NIPSNAP3A: variants seen among roughly 807,000 people sequenced by gnomAD.
The protein encoded by NIPSNAP3A is protein NipSnap homolog 3A.
In NIPSNAP3A, 27 loss-of-function variants were observed where a neutral mutation model predicts 32.3. That is an observed-to-expected ratio of 0.84 (90% CI 0.62 to 1.15). The LOEUF is 1.15. NIPSNAP3A is among the 50% of genes most tolerant of loss of function. NIPSNAP3A has a pLI of 0.00. For missense variants in NIPSNAP3A, 278 were observed against 297.2 expected (o/e 0.94, Z 0.48); for synonymous variants, 108 against 107.3 (o/e 1.01, Z -0.04).
chr9:104,758,212 G>A (rs746523906), intron 4 of NIPSNAP3A, among the ~76,000 whole-genome samples: 13 of 151,948 alleles, frequency 8.6e-5, no homozygotes, highest in Non-Finnish European at 1.8e-4. Context: ...AATTAATATT[G>A]CCATAGAAAA....
Position 104,747,756 on chromosome 9 carries a change from C to A in NIPSNAP3A, c.-37C>A. ...ACCTTCAGAGGAGTCTCAGAAAGGA[C>A]ACGGCTGGCTGCTTTTCTCAGCGCC... is the stretch of plus-strand genomic sequence containing the variant. On this transcript the variant is annotated 5_prime_UTR_variant, in exon 1 of 6. Coordinates refer to ENST00000374767, the MANE Select transcript of NIPSNAP3A (RefSeq NM_015469.3). 6.3e-7 allele frequency: 1 copy of A among 1,592,544 alleles called. No homozygotes were observed. The highest frequency in any genetic ancestry group is 8.6e-7 in the Non-Finnish European group (1 of 1,169,296).
intron 1 of NIPSNAP3A, among the ~76,000 whole-genome samples, chr9:104,749,884 CTG>C (rs1420298482): frequency 2.5e-5 from 2 of 80,704 alleles, no homozygotes; most frequent in Non-Finnish European, 4.7e-5. Flanking sequence ...CACATTGCAT[CTG>C]TAATTAGAAA....
chr9:104,757,765 A>G (rs1237593125), intron 4 of NIPSNAP3A, among the ~76,000 whole-genome samples: 1 of 152,166 alleles, frequency 6.6e-6, no homozygotes, highest in Non-Finnish European at 1.5e-5. Context: ...ATATATAAAA[A>G]TACAGGCCAG....
chr9:104,748,483 G>A (rs144979106), intron 1 of NIPSNAP3A, among the ~76,000 whole-genome samples: 20 of 152,280 alleles, frequency 1.3e-4, no homozygotes, highest in Admixed American at 2.6e-4. Flanking sequence ...CTATCAAACC[G>A]GACGATGACA....
At chr9:104,757,076 T>C (rs941167069) in intron 4 of NIPSNAP3A, among the ~76,000 whole-genome samples, 6 of 152,226 alleles carry the variant, frequency 3.9e-5, no homozygotes, top group African/African-American at 1.2e-4. Flanking sequence ...ATAAGAGGCC[T>C]GAGCCACTAC....
intron 2 of NIPSNAP3A, 143 bp downstream of exon 2, chr9:104,751,309 G>C: frequency 1.3e-6 from 1 of 773,810 alleles, no homozygotes; most frequent in Admixed American, 2.2e-5. Context: ...CTTTTGAAAA[G>C]CAATACCAAA....
chr9:104,749,650 C>CAT (rs888399407), intron 1 of NIPSNAP3A, among the ~76,000 whole-genome samples: 7 of 151,962 alleles, frequency 4.6e-5, no homozygotes, highest in South Asian at 2.1e-4. Flanking sequence ...ACCATGAGTG[C>CAT]ATATATATAT....
intron 4 of NIPSNAP3A, among the ~76,000 whole-genome samples, chr9:104,756,900 T>C (rs1265686724): frequency 1.3e-5 from 2 of 151,304 alleles, no homozygotes; most frequent in African/African-American, 4.9e-5. Context: ...GCCTCCTTGG[T>C]TCAGGCGGTT....
chr9:104,760,024 C>T lies in NIPSNAP3A; in HGVS notation c.*686C>T, dbSNP rs1407840512. On this transcript the variant is annotated 3_prime_UTR_variant, in exon 6 of 6. Coordinates refer to ENST00000374767, the MANE Select transcript of NIPSNAP3A (RefSeq NM_015469.3). ...ATTTTAACTACTATTTACTTCATTTCGGATCCTGTTTAACAAAGATACTTG... is the reference window on the plus strand; with the variant it reads ...ATTTTAACTACTATTTACTTCATTTTGGATCCTGTTTAACAAAGATACTTG... The T allele has an allele frequency of 6.6e-6, 1 of 152,086 alleles. No homozygotes were observed. Among genetic ancestry groups the T allele is most frequent in the Non-Finnish European group, 1.5e-5 (1 of 67,990 alleles). The allele number at this position is 152,086 out of a possible 1,614,324, so 9.4% of individuals were successfully genotyped here.
In NIPSNAP3A at chr9:104,758,919, G is replaced by A. The variant is rs576459952; in HGVS notation, c.581-166G>A. 5.9e-5 allele frequency among the ~76,000 whole-genome samples: 8 copies of A among 136,118 alleles called. No homozygotes were observed. In the South Asian group the frequency reaches 1.4e-3, roughly 23 times the overall value. 89.3% of individuals were successfully genotyped at this position (136,118 alleles called of 152,430 possible). A position where few individuals can be genotyped will look rare whatever the true frequency, so the allele number is the denominator to read the frequency against. On this transcript the variant is annotated intron_variant, in intron 4 of 5. Transcript: ENST00000374767. The stretch of plus-strand genomic sequence containing the variant: ...CAGGAGGCAGATGTTGCAGTGAGCC[G>A]AGATCGTGCCACTGCACTCCAGCCT...
At chr9:104,748,648 G>A (rs1827808147) in intron 1 of NIPSNAP3A, among the ~76,000 whole-genome samples, 1 of 152,156 alleles carries the variant, frequency 6.6e-6, no homozygotes, top group Admixed American at 6.5e-5. Context: ...GGCAGGATGG[G>A]AAGGGGATTA....
chr9:104,754,347 A>G, intron 3 of NIPSNAP3A: 1 of 516,952 alleles, frequency 1.9e-6, no homozygotes, highest in Non-Finnish European at 3.4e-6. Context: ...ATGATTAAGC[A>G]TAACAACTCA....
At chr9:104,756,790 T>C (rs1461733301) in intron 4 of NIPSNAP3A, among the ~76,000 whole-genome samples, 4 of 151,112 alleles carry the variant, frequency 2.6e-5, no homozygotes, top group Non-Finnish European at 4.4e-5. Context: ...GTGAGATAAA[T>C]GGTTAAGTCT....
In NIPSNAP3A at chr9:104,747,857, C is replaced by G; in HGVS notation, c.60+5C>G. 2 of 1,606,634 alleles carry G rather than the reference C, an allele frequency of 1.2e-6. No individual in the cohort carries two copies. The highest frequency in any genetic ancestry group is 1.3e-5 in the African/African-American group (1 of 74,754). ...TCACGGACGCTGGCGCCTCAGGTACCGGCCACGGGGGTACCCAAGCCTTCA... is the reference window on the plus strand; with the variant it reads ...TCACGGACGCTGGCGCCTCAGGTACGGGCCACGGGGGTACCCAAGCCTTCA... On this transcript the variant is annotated splice_donor_5th_base_variant and intron_variant, in intron 1 of 5. Transcript: ENST00000374767.
Position 104,754,616 on chromosome 9 carries a change from A to AT in NIPSNAP3A, c.496_497insT (p.Lys166IlefsTer36). On this transcript the variant is annotated frameshift_variant, in exon 4 of 6. Coordinates refer to ENST00000374767, the MANE Select transcript of NIPSNAP3A (RefSeq NM_015469.3). LOFTEE classifies it high-confidence loss of function. ...GCCAGCTCTGTGGGGTGATGCATTTAAAAGGGCAGTTCATGCTCATGTCAA... is the reference window on the plus strand; with the variant it reads ...GCCAGCTCTGTGGGGTGATGCATTTATAAAGGGCAGTTCATGCTCATGTCAA... 6.2e-7 allele frequency: 1 copy of AT among 1,614,024 alleles called. No individual in the cohort carries two copies. Among genetic ancestry groups the AT allele is most frequent in the Non-Finnish European group, 8.5e-7 (1 of 1,179,890 alleles).
intron 1 of NIPSNAP3A, among the ~76,000 whole-genome samples, chr9:104,750,378 A>G (rs1173973620): frequency 6.6e-6 from 1 of 152,254 alleles, no homozygotes; most frequent in East Asian, 1.9e-4. Flanking sequence ...CACACTCAGC[A>G]TATTTAAGAG....
chr9:104,748,720 G>A lies in NIPSNAP3A; in HGVS notation c.60+868G>A, dbSNP rs561012684. On this transcript the variant is annotated intron_variant, in intron 1 of 5. Transcript: ENST00000374767. ...GAGCAGCTCATGTCCATTCACCCCG[G>A]GTTAACAATGCAGTTTTTACCCTAA... Among the ~76,000 whole-genome samples the A allele has an allele frequency of 3.2e-3, 487 of 152,248 alleles. 3 individuals carry two copies. Among genetic ancestry groups the A allele is most frequent in the African/African-American group, 0.011 (463 of 41,556 alleles).
Position 104,750,942 on chromosome 9 carries a change from C to G in NIPSNAP3A, c.61-14C>G, listed in dbSNP as rs371379748. On this transcript the variant is annotated splice_polypyrimidine_tract_variant and intron_variant, in intron 1 of 5. Coordinates refer to ENST00000374767, the MANE Select transcript of NIPSNAP3A (RefSeq NM_015469.3). ...GTCTTCTCAAGATATTTACATTTGT[C>G]TTATCTTCTTCAGATGTGCTCATCT... is the stretch of plus-strand genomic sequence containing the variant. 64 of 1,581,902 alleles carry G rather than the reference C, an allele frequency of 4.0e-5. No individual in the cohort carries two copies. Among genetic ancestry groups the G allele is most frequent in the Non-Finnish European group, 5.3e-5 (61 of 1,150,812 alleles).
chr9:104,751,001 T>G lies in NIPSNAP3A; in HGVS notation c.106T>G (p.Phe36Val), dbSNP rs770655356. 7 of 1,613,908 alleles carry G rather than the reference T, an allele frequency of 4.3e-6. No individual in the cohort carries two copies. The highest frequency in any genetic ancestry group is 3.3e-5 in the Admixed American group (2 of 60,012). The change falls in exon 2 of 6, where the codon TTC (phenylalanine) becomes GTC (valine). Residue 36 changes from phenylalanine to valine, a missense_variant. Transcript: ENST00000374767. Reference protein sequence around the residue: ...ATGPRQYDGIFYEFRSYYLKP... With the variant: ...ATGPRQYDGIVYEFRSYYLKP... ...GGGACCCAGACAATACGATGGAATA[T>G]TCTATGAATTTCGTTCTTATTACCT...
Sources: allele counts gnomAD v4.1 joint callset (sites outside exome capture counted in the v4.1 genomes callset), GRCh38; gene constraint gnomAD v4.1.1; transcripts MANE v1.5; gene names NCBI Gene and HGNC (gene_info 2026-07-23, HGNC 2026-07-21).